The following SYNE1 variants were observed in gnomAD, a reference collection of about 807,000 sequenced individuals.
SYNE1 encodes the protein spectrin repeat containing nuclear envelope protein 1, also known as nesprin-1.
SYNE1 carries 616 observed loss-of-function variants against 1,111.0 expected under a neutral mutation model. That is an observed-to-expected ratio of 0.55 (90% CI 0.52 to 0.59). SYNE1 has a LOEUF of 0.59. Among genes scored for constraint, SYNE1 ranks in the 20% least tolerant of loss-of-function variants. SYNE1 has a pLI of 0.00. For missense variants in SYNE1, 10,006 were observed against 10,417.0 expected (o/e 0.96, Z 1.72); for synonymous variants, 3,855 against 3,825.8 (o/e 1.01, Z -0.28).
intron 55 of SYNE1, among the ~76,000 whole-genome samples, chr6:152,384,899 T>A (rs2097500450): frequency 6.6e-6 from 1 of 150,812 alleles, no homozygotes. Context: ...AAAAAATAGA[T>A]CTGCAAAATG....
At chr6:152,531,861 T>C (rs2099203805) in intron 4 of SYNE1, among the ~76,000 whole-genome samples, 1 of 152,232 alleles carries the variant, frequency 6.6e-6, no homozygotes, top group Non-Finnish European at 1.5e-5. Flanking sequence ...TCGTATTCCA[T>C]TGTATGGATA....
intron 50 of SYNE1, 100 bp downstream of exon 50, chr6:152,396,675 A>C: frequency 1.8e-6 from 2 of 1,098,706 alleles, no homozygotes; most frequent in Admixed American, 1.7e-5. Flanking sequence ...TTAAACTCAC[A>C]GTGTCAAACG....
At chr6:152,222,900 G>A (rs961847146) in intron 117 of SYNE1, among the ~76,000 whole-genome samples, 3 of 152,146 alleles carry the variant, frequency 2.0e-5, no homozygotes, top group African/African-American at 7.2e-5. Flanking sequence ...GACAGGTTTG[G>A]CATCTTCTAC....
chr6:152,277,756 C>T (rs2093751188), intron 98 of SYNE1: 1 of 390,362 alleles, frequency 2.6e-6, no homozygotes, highest in Non-Finnish European at 4.9e-6. Flanking sequence ...TCTCATTCCT[C>T]TATATACCAC....
intron 42 of SYNE1, among the ~76,000 whole-genome samples, chr6:152,413,014 G>A (rs936243019): frequency 2.0e-5 from 3 of 151,996 alleles, no homozygotes; most frequent in East Asian, 3.9e-4. Flanking sequence ...ACCACACTCG[G>A]CAAATTTTTG....
At position 152,482,092 on chromosome 6, in the gene SYNE1, G is replaced by A. The variant is rs144993577; in HGVS notation, c.1350+993C>T. Among the ~76,000 whole-genome samples the A allele has an allele frequency of 1.2e-4, 19 of 152,202 alleles. No homozygotes were observed. In the East Asian group the frequency reaches 3.7e-3, roughly 29 times the overall value. On this transcript the variant is annotated intron_variant, in intron 14 of 145. Transcript: ENST00000367255. Reference sequence around the variant, plus strand: ...GGCAGGACCCTGAGTGATGGCCTCTGCAGATCATCAAATCTTGCCGTGGCC... The same window carrying A: ...GGCAGGACCCTGAGTGATGGCCTCTACAGATCATCAAATCTTGCCGTGGCC...
intron 78 of SYNE1, among the ~76,000 whole-genome samples, chr6:152,328,380 T>TTTTATTTTATTTATTTA (rs374503996): frequency 4.9e-4 from 68 of 137,554 alleles, no homozygotes; most frequent in East Asian, 1.7e-3. Context: ...TCTTATTTTA[T>TTTTATTTTATTTATTTA]TTTATTTATT....
At chr6:152,206,500 C>A (rs2076536447) in intron 125 of SYNE1, 138 bp from the exon 126 acceptor site, 2 of 849,656 alleles carry the variant, frequency 2.4e-6, no homozygotes, top group Non-Finnish European at 3.8e-6. Flanking sequence ...CACATGCATG[C>A]ACCAGTGAAT....
At chr6:152,189,489 G>T (rs2071563250) in intron 127 of SYNE1, 82 bp from the exon 128 acceptor site, 3 of 1,401,428 alleles carry the variant, frequency 2.1e-6, no homozygotes, top group Non-Finnish European at 3.0e-6. Context: ...CCTCTTGATA[G>T]AATTTCCTTT....
chr6:152,612,898 A>T (rs536562894), intron 3 of SYNE1, among the ~76,000 whole-genome samples: 14 of 152,314 alleles, frequency 9.2e-5, no homozygotes, highest in African/African-American at 2.4e-4. Context: ...GACAAAAACC[A>T]CATGATTATC....
Position 152,376,523 on chromosome 6 carries a change from T to G in SYNE1, c.9182A>C (p.Lys3061Thr), listed in dbSNP as rs762504414. Residue 3061 changes from lysine (K) to threonine (T), a missense_variant, in exon 58 of 146, where the codon AAA becomes ACA. By Grantham distance (78) the Lys-to-Thr change is moderately conservative (BLOSUM62 -1). Transcript: ENST00000367255. ...AAATCTTTGCTGTAAAATCTGTTCT[T>G]TATTCTGGCAGCCCTTGGATGCTTG... Reference protein sequence around the residue: ...CLQASKGCQNKEQILQQRFRK... With the variant: ...CLQASKGCQNTEQILQQRFRK... The G allele has an allele frequency of 3.1e-6, 5 of 1,614,146 alleles. No homozygotes were observed. Among genetic ancestry groups the G allele is most frequent in the Non-Finnish European group, 4.2e-6 (5 of 1,180,032 alleles).
Position 152,143,612 on chromosome 6 carries a change from A to G in SYNE1, c.25119+11T>C. 1 of 1,614,160 alleles carries G rather than the reference A, an allele frequency of 6.2e-7. No homozygotes were observed. Among genetic ancestry groups the G allele is most frequent in the Non-Finnish European group, 8.5e-7 (1 of 1,180,026 alleles). Reference sequence around the variant, plus strand: ...CGCACAGGTCGGAATCAGGATGGCCAGGATACTTACGTAGCCTTTGTAGCT... The same window carrying G: ...CGCACAGGTCGGAATCAGGATGGCCGGGATACTTACGTAGCCTTTGTAGCT... On this transcript the variant is annotated intron_variant, in intron 138 of 145. Transcript: ENST00000367255.
chr6:152,566,932 T>C (rs1220959917), intron 3 of SYNE1, among the ~76,000 whole-genome samples: 3 of 152,006 alleles, frequency 2.0e-5, no homozygotes, highest in African/African-American at 7.3e-5. Flanking sequence ...TTGATACACA[T>C]AGTGAAATAA....
At position 152,562,760 on chromosome 6, in the gene SYNE1, C is replaced by T. The variant is rs561975750; in HGVS notation, c.68-22739G>A. On this transcript the variant is annotated intron_variant, in intron 3 of 145. Coordinates refer to ENST00000367255, the MANE Select transcript of SYNE1 (RefSeq NM_182961.4). ...GGCACATGTATACCTATGTAACAAA[C>T]CTGCACGTTCTGCACTTGTATCCCA... Among the ~76,000 whole-genome samples the T allele has an allele frequency of 1.3e-4, 20 of 152,248 alleles. No individual in the cohort carries two copies. In the East Asian group the frequency reaches 1.9e-3, roughly 15 times the overall value.
chr6:152,362,796 A>G (rs1352222719), intron 63 of SYNE1, among the ~76,000 whole-genome samples: 1 of 152,134 alleles, frequency 6.6e-6, no homozygotes, highest in Non-Finnish European at 1.5e-5. Flanking sequence ...ATAAAAGGAC[A>G]ATATTTCCTG....
At chr6:152,420,060 T>C (rs990831008) in intron 39 of SYNE1, among the ~76,000 whole-genome samples, 1 of 152,226 alleles carries the variant, frequency 6.6e-6, no homozygotes, top group African/African-American at 2.4e-5. Context: ...GTATATGTTA[T>C]CAGTAATAAT....
rs548394588 is a variant in SYNE1 at position 152,142,435 on chromosome 6, T to TA, written c.25120-1107dup. On this transcript the variant is annotated intron_variant, in intron 138 of 145. Transcript: ENST00000367255. The stretch of plus-strand genomic sequence containing the variant: ...AGCAATATTAAAGCCAGCTGTTTTA[T>TA]AAAAAAAATGTAAGCAATGTTTAAT... Among the ~76,000 whole-genome samples, 568 of 152,164 alleles carry TA rather than the reference T, an allele frequency of 3.7e-3. 6 individuals are homozygous for TA. The highest frequency in any genetic ancestry group is 0.012 in the African/African-American group (508 of 41,510).
intron 39 of SYNE1, among the ~76,000 whole-genome samples, chr6:152,420,472 T>C (rs1444662813): frequency 6.6e-6 from 1 of 152,048 alleles, no homozygotes; most frequent in Non-Finnish European, 1.5e-5. Context: ...ATACAAAAAT[T>C]AGCCAGGTGT....
chr6:152,612,996 C>T (rs1455849331), intron 3 of SYNE1, among the ~76,000 whole-genome samples: 3 of 152,122 alleles, frequency 2.0e-5, no homozygotes, highest in African/African-American at 7.2e-5. Flanking sequence ...GGGAACATAT[C>T]TCAAAATAAT....
Sources: allele counts gnomAD v4.1 joint callset (sites outside exome capture counted in the v4.1 genomes callset), GRCh38; gene constraint gnomAD v4.1.1; transcripts MANE v1.5; gene names NCBI Gene and HGNC (gene_info 2026-07-23, HGNC 2026-07-21).